Variants in RBFOX1 observed in about 807,000 individuals in gnomAD.
RBFOX1 encodes the protein RNA binding fox-1 homolog 1, also known as RNA binding protein fox-1 homolog 1.
In RBFOX1, 8 loss-of-function variants were observed where a neutral mutation model predicts 57.7. That is an observed-to-expected ratio of 0.14 (90% CI 0.08 to 0.25). RBFOX1 has a LOEUF of 0.25. Ranked by LOEUF, RBFOX1 falls within the 10% of genes least tolerant of loss-of-function variation. RBFOX1 has a pLI of 1.00. For synonymous variants in RBFOX1, 326 were observed against 222.4 expected, an observed-to-expected ratio of 1.47 and a Z score of -4.15; for missense variants, 611 against 548.5, an observed-to-expected ratio of 1.11 and a Z score of -1.14.
intron 1 of RBFOX1, among the ~76,000 whole-genome samples, chr16:6,136,553 G>A (rs941774483): frequency 6.6e-6 from 1 of 152,156 alleles, no homozygotes; most frequent in South Asian, 2.1e-4. Flanking sequence ...ATGAATGCCT[G>A]AGTTCTGTGC....
intron 3 of RBFOX1, among the ~76,000 whole-genome samples, chr16:7,001,757 C>G (rs150322905): frequency 3.5e-4 from 53 of 151,980 alleles, no homozygotes; most frequent in Middle Eastern, 3.4e-3. Context: ...ACACTGGCCT[C>G]TATTATTTGT....
intron 2 of RBFOX1, among the ~76,000 whole-genome samples, chr16:6,428,569 G>A (rs2093993400): frequency 6.6e-6 from 1 of 152,048 alleles, no homozygotes; most frequent in Non-Finnish European, 1.5e-5. Flanking sequence ...ACTTTATAGG[G>A]TTGTTATGGT....
At chr16:6,433,461 GC>G (rs887060340) in intron 2 of RBFOX1, among the ~76,000 whole-genome samples, 10 of 152,180 alleles carry the variant, frequency 6.6e-5, no homozygotes, top group African/African-American at 2.4e-4. Context: ...CAAGTGTGGG[GC>G]CAGAGGCCAG....
intron 3 of RBFOX1, among the ~76,000 whole-genome samples, chr16:6,793,753 A>G (rs1223714169): frequency 1.3e-5 from 2 of 152,174 alleles, no homozygotes; most frequent in Non-Finnish European, 2.9e-5. Flanking sequence ...AGCAAGAAAC[A>G]TTAGTTTCCA....
chr16:7,428,806 C>G (rs972137242), intron 4 of RBFOX1, among the ~76,000 whole-genome samples: 2 of 152,004 alleles, frequency 1.3e-5, no homozygotes, highest in Non-Finnish European at 2.9e-5. Context: ...CACTTCCCCT[C>G]TCTGAGACTC....
At chr16:7,439,697 C>G (rs2098750866) in intron 4 of RBFOX1, among the ~76,000 whole-genome samples, 2 of 152,188 alleles carry the variant, frequency 1.3e-5, no homozygotes, top group Non-Finnish European at 2.9e-5. Flanking sequence ...CAAGTGCTGT[C>G]TCATTTGTGA....
intron 3 of RBFOX1, among the ~76,000 whole-genome samples, chr16:6,853,940 G>A (rs1422333270): frequency 2.0e-5 from 3 of 152,154 alleles, no homozygotes; most frequent in African/African-American, 7.2e-5. Context: ...TAGCCTGCAT[G>A]TCTAGGTAAC....
chr16:7,357,928 G>GT (rs750904111), intron 4 of RBFOX1, among the ~76,000 whole-genome samples: 3 of 152,078 alleles, frequency 2.0e-5, no homozygotes, highest in South Asian at 2.1e-4. Context: ...AGGAGTTGCT[G>GT]TTTTTTACTT....
intron 1 of RBFOX1, among the ~76,000 whole-genome samples, chr16:6,281,468 A>G (rs1225564739): frequency 2.0e-5 from 3 of 151,992 alleles, no homozygotes; most frequent in Non-Finnish European, 4.4e-5. Flanking sequence ...ATTACCATGA[A>G]TGTGTCATGG....
chr16:6,577,107 A>C (rs954929666), intron 2 of RBFOX1: 1 of 152,108 alleles, frequency 6.6e-6, no homozygotes, highest in Non-Finnish European at 1.5e-5. Flanking sequence ...ATGAACATGC[A>C]CCTGACATTG....
chr16:5,820,211 C>T (rs1430713991), intron 3 of RBFOX1, among the ~76,000 whole-genome samples: 2 of 152,214 alleles, frequency 1.3e-5, no homozygotes, highest in East Asian at 1.9e-4. Context: ...CTGGTCCATA[C>T]TCACCCCATA....
At chr16:6,441,195 T>C (rs902575300) in intron 2 of RBFOX1, among the ~76,000 whole-genome samples, 1 of 152,006 alleles carries the variant, frequency 6.6e-6, no homozygotes, top group Non-Finnish European at 1.5e-5. Context: ...ATGGGGCTAA[T>C]AATGTCTAAT....
chr16:6,236,038 A>C (rs1183351630), intron 1 of RBFOX1, among the ~76,000 whole-genome samples: 3 of 152,234 alleles, frequency 2.0e-5, no homozygotes, highest in Non-Finnish European at 4.4e-5. Flanking sequence ...GTAGGAAAGA[A>C]TGACACTGAC....
At chr16:5,607,695 TTCTC>T (rs960912762) in intron 3 of RBFOX1, among the ~76,000 whole-genome samples, 3 of 152,186 alleles carry the variant, frequency 2.0e-5, no homozygotes, top group African/African-American at 7.2e-5. Context: ...TCCCTCATAC[TTCTC>T]TCTGTCGACA....
In RBFOX1 at chr16:6,826,553, C is replaced by G. The variant is rs1402680578; in HGVS notation, c.-16+171903C>G. Among the ~76,000 whole-genome samples, 4 of 152,008 alleles carry G rather than the reference C, an allele frequency of 2.6e-5. No homozygotes were observed. The East Asian group carries it at 7.7e-4, about 29-fold the overall frequency. ...GGGCACAGTCTTCCGGGCATACGTG[C>G]TTGCGGGCATGCGTGCTCTCACGTG... On this transcript the variant is annotated intron_variant, in intron 3 of 15. Transcript: ENST00000550418.
intron 1 of RBFOX1, among the ~76,000 whole-genome samples, chr16:5,339,470 G>GTTGTTTTTTTT (rs2064982508): frequency 2.4e-5 from 1 of 40,854 alleles, no homozygotes; most frequent in Non-Finnish European, 4.5e-5. Context: ...CTTTTTCCGT[G>GTTGTTTTTTTT]TTTTTTTTTT....
chr16:7,519,916 C>T (rs1030641799), intron 5 of RBFOX1, among the ~76,000 whole-genome samples: 3 of 152,136 alleles, frequency 2.0e-5, no homozygotes, highest in African/African-American at 7.2e-5. Context: ...GATGGGGTCT[C>T]ACTCTGTTGC....
chr16:7,256,948 G>C (rs146185435), intron 4 of RBFOX1, among the ~76,000 whole-genome samples: 2 of 152,164 alleles, frequency 1.3e-5, no homozygotes, highest in East Asian at 1.9e-4. Flanking sequence ...CAGCCTTTCT[G>C]TTTCTCCTGT....
At chr16:6,617,620 CT>C (rs2098162923) in intron 2 of RBFOX1, among the ~76,000 whole-genome samples, 1 of 152,094 alleles carries the variant, frequency 6.6e-6, no homozygotes, top group African/African-American at 2.4e-5. Flanking sequence ...TTACTAAATG[CT>C]TTGCATGTGT....
Sources: allele counts gnomAD v4.1 joint callset (sites outside exome capture counted in the v4.1 genomes callset), GRCh38; gene constraint gnomAD v4.1.1; transcripts MANE v1.5; gene names NCBI Gene and HGNC (gene_info 2026-07-23, HGNC 2026-07-21).